CHST9: variants seen among roughly 807,000 people sequenced by gnomAD.
The protein encoded by CHST9 is GalNAc-4-sulfotransferase 2.
A neutral mutation model predicts 44.4 loss-of-function variants in CHST9; 41 were observed. The ratio of observed to expected loss-of-function variants is 0.92; its 90% confidence interval spans 0.72 to 1.20. The LOEUF (loss-of-function observed/expected upper bound fraction) is 1.20, where lower values mean the gene tolerates loss of function less well. CHST9 is among the 50% of genes most tolerant of loss of function. CHST9 has a pLI of 0.00. For missense variants in CHST9, 504 were observed against 516.5 expected, an observed-to-expected ratio of 0.98 and a Z score of 0.23; for synonymous variants, 171 against 178.4, an observed-to-expected ratio of 0.96 and a Z score of 0.33.
intron 4 of CHST9, among the ~76,000 whole-genome samples, chr18:26,979,075 T>C (rs2056660831): frequency 6.6e-6 from 1 of 152,052 alleles, no homozygotes; most frequent in Non-Finnish European, 1.5e-5. Context: ...AGAAGGGTCT[T>C]TTATCCTTGA....
At chr18:26,964,801 A>G (rs548027407) in intron 4 of CHST9, among the ~76,000 whole-genome samples, 2 of 152,354 alleles carry the variant, frequency 1.3e-5, no homozygotes, top group African/African-American at 4.8e-5. Context: ...AACAAGACTA[A>G]AGGAAATGTG....
intron 3 of CHST9, among the ~76,000 whole-genome samples, chr18:27,037,290 C>T (rs1036163053): frequency 3.9e-5 from 6 of 151,998 alleles, no homozygotes; most frequent in East Asian, 1.9e-4. Flanking sequence ...TCATGAGTAA[C>T]GATAATGAAT....
chr18:26,989,084 G>C (rs923856350), intron 4 of CHST9, among the ~76,000 whole-genome samples: 5 of 151,958 alleles, frequency 3.3e-5, no homozygotes, highest in African/African-American at 1.2e-4. Flanking sequence ...TATTTTAAGA[G>C]ACATGAAAAA....
At position 27,107,423 on chromosome 18, in the gene CHST9, T is replaced by A. The variant is rs565064787; in HGVS notation, c.121+35266A>T. 3.3e-5 allele frequency among the ~76,000 whole-genome samples: 5 copies of A among 152,302 alleles called. No individual in the cohort carries two copies. In the South Asian group the frequency reaches 8.3e-4, roughly 25 times the overall value. On this transcript the variant is annotated intron_variant, in intron 2 of 5. Transcript: ENST00000618847. ...ATCATCTTGTTCCCTGCTTTTTACA[T>A]AAAAACAGCAAAGACTTGTATTGAG...
chr18:27,184,370 AC>A (rs905450516), intron 1 of CHST9, among the ~76,000 whole-genome samples: 1 of 152,054 alleles, frequency 6.6e-6, no homozygotes, highest in Non-Finnish European at 1.5e-5. Context: ...CAACCATAAC[AC>A]CTTCTAACAG....
intron 5 of CHST9, among the ~76,000 whole-genome samples, chr18:26,918,846 C>T (rs2055590046): frequency 1.3e-5 from 2 of 151,774 alleles, no homozygotes; most frequent in South Asian, 4.2e-4. Flanking sequence ...ACGTGTACAG[C>T]CCCGTGTATA....
At chr18:27,016,338 C>T (rs568117063) in intron 4 of CHST9, among the ~76,000 whole-genome samples, 64 of 152,272 alleles carry the variant, frequency 4.2e-4, no homozygotes, top group Middle Eastern at 3.4e-3. Flanking sequence ...TGGCTTTTAC[C>T]TGCCTAAGGA....
At chr18:27,114,751 G>A (rs1326981562) in intron 2 of CHST9, among the ~76,000 whole-genome samples, 1 of 152,084 alleles carries the variant, frequency 6.6e-6, no homozygotes, top group African/African-American at 2.4e-5. Flanking sequence ...TGTTCTTAAG[G>A]TTCATCAATG....
chr18:27,153,540 C>G (rs912263741), intron 1 of CHST9, among the ~76,000 whole-genome samples: 61 of 104,702 alleles, frequency 5.8e-4, no homozygotes, highest in African/African-American at 2.1e-3. Flanking sequence ...CTCTCTCTCT[C>G]TCTCTCTGTG....
intron 1 of CHST9, among the ~76,000 whole-genome samples, chr18:27,170,340 T>C (rs980233641): frequency 5.3e-5 from 8 of 152,156 alleles, no homozygotes; most frequent in Non-Finnish European, 2.9e-5. Context: ...GGAAGTAACC[T>C]AGGTCCCTGA....
intron 2 of CHST9, among the ~76,000 whole-genome samples, chr18:27,129,642 C>T (rs1018848581): frequency 3.3e-5 from 5 of 152,126 alleles, no homozygotes; most frequent in Admixed American, 2.6e-4. Context: ...TTCCATCAGC[C>T]TCGGCCTCCC....
At chr18:26,925,367 C>T (rs1226279048) in intron 5 of CHST9, among the ~76,000 whole-genome samples, 1 of 152,152 alleles carries the variant, frequency 6.6e-6, no homozygotes, top group African/African-American at 2.4e-5. Flanking sequence ...TGCAGATAAG[C>T]TCATTTTACA....
At chr18:27,121,203 C>A (rs565293652) in intron 2 of CHST9, among the ~76,000 whole-genome samples, 2 of 152,064 alleles carry the variant, frequency 1.3e-5, no homozygotes, top group Admixed American at 6.6e-5. Flanking sequence ...CAGGGTCTCA[C>A]TATGTTGCCC....
chr18:27,152,859 G>A (rs2058669589), intron 1 of CHST9, among the ~76,000 whole-genome samples: 1 of 152,156 alleles, frequency 6.6e-6, no homozygotes, highest in Non-Finnish European at 1.5e-5. Flanking sequence ...GGAGTTATCA[G>A]TGAGGGATGT....
intron 4 of CHST9, among the ~76,000 whole-genome samples, chr18:26,995,263 A>AC (rs2056872460): frequency 6.7e-6 from 1 of 150,152 alleles, no homozygotes; most frequent in African/African-American, 2.5e-5. Context: ...CTCTACTAAA[A>AC]AAAAAAAAAA....
At chr18:26,955,564 A>C (rs115270460) in intron 4 of CHST9, among the ~76,000 whole-genome samples, 3,244 of 152,228 alleles carry the variant, frequency 0.021, 127 homozygotes, top group African/African-American at 0.074. Context: ...GTGCAGGCTG[A>C]AATTGAGAGC....
chr18:27,143,845 G>A (rs957636237), intron 1 of CHST9, among the ~76,000 whole-genome samples: 30 of 152,054 alleles, frequency 2.0e-4, no homozygotes, highest in Admixed American at 1.4e-3. Flanking sequence ...TAATGTATGC[G>A]GAGCTTAAAT....
At chr18:26,924,523 T>A in intron 5 of CHST9, 2 of 635,904 alleles carry the variant, frequency 3.1e-6, no homozygotes, top group Non-Finnish European at 3.9e-6. Context: ...GCCCAGGGAG[T>A]AATTTATAAT....
At chr18:26,968,227 T>C (rs747105667) in intron 4 of CHST9, among the ~76,000 whole-genome samples, 1 of 152,180 alleles carries the variant, frequency 6.6e-6, no homozygotes. Flanking sequence ...AGTATGGAAA[T>C]TGAAATTTTT....
Sources: allele counts gnomAD v4.1 joint callset (sites outside exome capture counted in the v4.1 genomes callset), GRCh38; gene constraint gnomAD v4.1.1; transcripts MANE v1.5; gene names NCBI Gene and HGNC (gene_info 2026-07-23, HGNC 2026-07-21).